MBIP: variants seen among roughly 807,000 people sequenced by gnomAD.
MBIP encodes the protein MAP3K12 binding inhibitory protein 1.
MBIP carries 32 observed loss-of-function variants against 45.7 expected under a neutral mutation model. The ratio of observed to expected loss-of-function variants is 0.70; its 90% CI spans 0.53 to 0.94. The LOEUF (loss-of-function observed/expected upper bound fraction) is 0.94. MBIP is among the 40% of genes least tolerant of loss of function. The probability of loss-of-function intolerance (pLI) is 0.00; values close to 1 mark genes in which losing one functional copy is unlikely to be tolerated. For missense variants in MBIP, 381 were observed against 405.5 expected (o/e 0.94, Z 0.52); for synonymous variants, 145 against 141.0 (o/e 1.03, Z -0.20).
At chr14:36,320,113 T>C (rs1050071481) in intron 1 of MBIP, among the ~76,000 whole-genome samples, 6 of 151,894 alleles carry the variant, frequency 4.0e-5, no homozygotes, top group African/African-American at 1.5e-4. Context: ...AAAGAGTAAG[T>C]TGGAGGAAAA....
At chr14:36,302,491 TAAAAAAAAA>T (rs377221159) in intron 7 of MBIP, among the ~76,000 whole-genome samples, 4 of 100,562 alleles carry the variant, frequency 4.0e-5, no homozygotes, top group African/African-American at 1.4e-4. Flanking sequence ...GACACCATCT[TAAAAAAAAA>T]AAAAAAAAAA....
intron 6 of MBIP, among the ~76,000 whole-genome samples, chr14:36,311,011 C>A (rs572716838): frequency 1.4e-4 from 22 of 152,242 alleles, no homozygotes; most frequent in African/African-American, 5.3e-4. Context: ...TTCCATCAGT[C>A]CAAGCCAGAG....
At chr14:36,303,871 T>C (rs1330140650) in intron 7 of MBIP, among the ~76,000 whole-genome samples, 4 of 152,208 alleles carry the variant, frequency 2.6e-5, no homozygotes, top group African/African-American at 9.7e-5. Flanking sequence ...CAGACCTTCA[T>C]TTCTCTCTGG....
At chr14:36,314,079 G>A (rs1446740727) in intron 4 of MBIP, 1 of 155,654 alleles carries the variant, frequency 6.4e-6, no homozygotes, top group Non-Finnish European at 1.4e-5. Context: ...AAACAGCTCA[G>A]GAGTAGTGAG....
In MBIP at chr14:36,300,795, T is replaced by C; in HGVS notation, c.917A>G (p.Gln306Arg). Residue 306 changes from glutamine (Q) to arginine (R), a missense_variant, in exon 8 of 9, where the codon CAA becomes CGA. Transcript: ENST00000416007. Reference protein sequence around the residue: ...VSFSGKRRKVQPPQQNYSLAE... With the variant: ...VSFSGKRRKVRPPQQNYSLAE... Reference sequence around the variant, plus strand: ...AATGCAGTAACTTACTTGAGGTGGTTGAACTTTTCTTCTTTTTCCAGAAAA... The same window carrying C: ...AATGCAGTAACTTACTTGAGGTGGTCGAACTTTTCTTCTTTTTCCAGAAAA... 6.4e-7 allele frequency: 1 copy of C among 1,559,574 alleles called. No homozygotes were observed. The highest frequency in any genetic ancestry group is 8.7e-7 in the Non-Finnish European group (1 of 1,147,388).
intron 5 of MBIP, 62 bp from the exon 6 acceptor site, chr14:36,311,787 C>T (rs995572046): frequency 2.2e-6 from 3 of 1,392,558 alleles, no homozygotes; most frequent in African/African-American, 2.9e-5. Context: ...AATTCTTATT[C>T]CTTAACAGCA....
intron 4 of MBIP, among the ~76,000 whole-genome samples, chr14:36,312,360 A>C (rs1000538148): frequency 1.3e-5 from 2 of 152,142 alleles, no homozygotes; most frequent in African/African-American, 4.8e-5. Flanking sequence ...TTTAAATTCT[A>C]CTTCATCGTA....
At chr14:36,320,308 A>C in intron 1 of MBIP, 152 bp downstream of exon 1, 1 of 1,013,688 alleles carries the variant, frequency 9.9e-7, no homozygotes, top group Non-Finnish European at 1.4e-6. Flanking sequence ...CCGACCGAGG[A>C]GGCTGGGCCC....
Position 36,311,688 on chromosome 14 carries a change from T to A in MBIP, c.675A>T (p.Arg225Ser), listed in dbSNP as rs755487636. Residue 225 changes from arginine (R) to serine (S), a missense_variant, in exon 6 of 9, where the codon AGA becomes AGT. Physicochemically the swap from Arg to Ser is moderately radical, Grantham distance 110. Transcript: ENST00000416007. ...GACCTGACCCTGGAATTCCTTCAGG[T>A]CTAGTCTGTGGTCCGTATGTATTCA... ...RVVNTYGPQTRPEGIPGSGHK... is the reference protein window; with the variant it reads ...RVVNTYGPQTSPEGIPGSGHK... 1 of 1,613,462 alleles carries A rather than the reference T, an allele frequency of 6.2e-7. No homozygotes were observed. Among genetic ancestry groups the A allele is most frequent in the South Asian group, 1.1e-5 (1 of 91,030 alleles).
At chr14:36,309,554 T>G (rs902533362) in intron 6 of MBIP, among the ~76,000 whole-genome samples, 1 of 152,224 alleles carries the variant, frequency 6.6e-6, no homozygotes, top group African/African-American at 2.4e-5. Context: ...ATATCAAAAT[T>G]GTCAACTTGT....
intron 2 of MBIP, among the ~76,000 whole-genome samples, chr14:36,315,261 T>C (rs1880499570): frequency 6.6e-6 from 1 of 152,152 alleles, no homozygotes; most frequent in Non-Finnish European, 1.5e-5. Context: ...CTTCAGCCTC[T>C]GGCACCAATG....
chr14:36,320,438 A>T (rs1232995352), intron 1 of MBIP, 22 bp downstream of exon 1: 1 of 1,613,750 alleles, frequency 6.2e-7, no homozygotes, highest in Non-Finnish European at 8.5e-7. Flanking sequence ...CCATATTCCC[A>T]GTCCCTCAGG....
chr14:36,304,924 A>G (rs2139204414), intron 7 of MBIP, among the ~76,000 whole-genome samples: 2 of 152,356 alleles, frequency 1.3e-5, no homozygotes, highest in Middle Eastern at 6.8e-3. Flanking sequence ...ACACATTTCA[A>G]TGAAAATCTT....
chr14:36,308,143 C>T lies in MBIP; in HGVS notation c.837G>A (p.Glu279=). The T allele has an allele frequency of 6.2e-7, 1 of 1,606,780 alleles. No homozygotes were observed. Among genetic ancestry groups the T allele is most frequent in the Admixed American group, 1.7e-5 (1 of 59,772 alleles). The change falls in exon 7 of 9, where the codon GAG becomes GAA. Residue 279 remains glutamate, a synonymous_variant. Coordinates refer to ENST00000416007, the MANE Select transcript of MBIP (RefSeq NM_016586.3). ...RDIYQRIKKL[E]DKILELEGIS... ...TGCCTTCCAATTCAAGGATTTTATC[C>T]TCAAGTTTTTTAATTCTCTGATAAA...
In MBIP at chr14:36,316,719, G is replaced by A; in HGVS notation, c.223C>T (p.Leu75Phe). Residue 75 changes from leucine (L) to phenylalanine (F), a missense_variant, in exon 2 of 9, where the codon CTT becomes TTT. Coordinates refer to ENST00000416007, the MANE Select transcript of MBIP (RefSeq NM_016586.3). ...TGTAAATATAAAATGTGTTGTTCAA[G>A]TGCACTAAAGAGCAATGCAGGCTGG... ...AFQPALLFSA[L>F]EQHILYLQPF... 1 of 1,609,874 alleles carries A rather than the reference G, an allele frequency of 6.2e-7. No homozygotes were observed. Among genetic ancestry groups the A allele is most frequent in the Non-Finnish European group, 8.5e-7 (1 of 1,178,134 alleles).
chr14:36,304,789 C>CT (rs1477153488), intron 7 of MBIP, among the ~76,000 whole-genome samples: 3 of 152,108 alleles, frequency 2.0e-5, no homozygotes, highest in South Asian at 2.1e-4. Flanking sequence ...CAAATGACAT[C>CT]TTTTTTCCCC....
chr14:36,309,085 T>C (rs1313428087), intron 6 of MBIP, among the ~76,000 whole-genome samples: 1 of 152,186 alleles, frequency 6.6e-6, no homozygotes, highest in Non-Finnish European at 1.5e-5. Flanking sequence ...ATTACTTTTT[T>C]TCTGTTATTC....
intron 2 of MBIP, among the ~76,000 whole-genome samples, chr14:36,315,461 G>A (rs889234732): frequency 6.6e-6 from 1 of 152,064 alleles, no homozygotes; most frequent in Non-Finnish European, 1.5e-5. Context: ...ATATATAGGT[G>A]TTAGGCTGAG....
At chr14:36,315,358 A>C (rs1880505097) in intron 2 of MBIP, among the ~76,000 whole-genome samples, 1 of 152,094 alleles carries the variant, frequency 6.6e-6, no homozygotes, top group Non-Finnish European at 1.5e-5. Flanking sequence ...TAGTGCTCTC[A>C]CTCAGCAAAG....
Sources: allele counts gnomAD v4.1 joint callset (sites outside exome capture counted in the v4.1 genomes callset), GRCh38; gene constraint gnomAD v4.1.1; transcripts MANE v1.5; gene names NCBI Gene and HGNC (gene_info 2026-07-23, HGNC 2026-07-21).